The following CWH43 variants were observed in gnomAD, a reference collection of about 807,000 sequenced individuals.
CWH43 encodes the protein cell wall biogenesis 43 C-terminal homolog.
Under a neutral mutation model 85.7 loss-of-function variants are expected in CWH43, and 91 were observed. That is an observed-to-expected ratio of 1.06 (90% CI 0.90 to 1.26). The LOEUF is 1.26. CWH43 is among the 50% of genes most tolerant of loss of function. The pLI is 0.00. For missense variants in CWH43, 869 were observed against 839.2 expected, an observed-to-expected ratio of 1.04 and a Z score of -0.44; for synonymous variants, 323 against 293.6, an observed-to-expected ratio of 1.10 and a Z score of -1.02.
At chr4:49,005,585 G>C (rs1251288177) in intron 7 of CWH43, among the ~76,000 whole-genome samples, 2 of 149,234 alleles carry the variant, frequency 1.3e-5, no homozygotes, top group Non-Finnish European at 3.0e-5. Context: ...TTTGAGACAG[G>C]GTCTTGTTCT....
Position 49,003,781 on chromosome 4 carries a change from T to G in CWH43, c.849T>G (p.Ala283=). 1 of 1,614,000 alleles carries G rather than the reference T, an allele frequency of 6.2e-7. No individual in the cohort carries two copies. The highest frequency in any genetic ancestry group is 8.5e-7 in the Non-Finnish European group (1 of 1,179,896). The part of the protein sequence containing the change: ...AGLLYLHTWA[A]AVSGCVFAIF... The stretch of plus-strand genomic sequence containing the variant: ...TCCTTTACCTGCACACATGGGCAGC[T>G]GCTGTGTCTGGCTGTGTCTTCGCCA... The change falls in exon 7 of 16, where the codon GCT becomes GCG. Residue 283 remains alanine (A), a synonymous_variant. Transcript: ENST00000226432.
Position 49,007,218 on chromosome 4 carries a change from A to T in CWH43, c.1078A>T (p.Ile360Phe). ...TATAACAGGGACAATGATGTTAATT[A>T]TCGGGCTGAATATGCTATTTGGTCC... is the stretch of plus-strand genomic sequence containing the variant. ...DVLLGTMMLI[I>F]GLNMLFGPKK... Residue 360 changes from isoleucine to phenylalanine, a missense_variant, in exon 8 of 16, where the codon ATC (isoleucine) becomes TTC (phenylalanine). Ile to Phe is a conservative substitution (Grantham distance 21, BLOSUM62 0). Around this residue, in one of 3 missense-constraint regions of CWH43, gnomAD observed 577 missense variants for 513.1 expected, o/e 1.12. Coordinates refer to ENST00000226432, the MANE Select transcript of CWH43 (RefSeq NM_025087.3). The T allele has an allele frequency of 1.2e-6, 2 of 1,610,626 alleles. No individual in the cohort carries two copies. Among genetic ancestry groups the T allele is most frequent in the South Asian group, 2.2e-5 (2 of 90,046 alleles).
At chr4:49,057,048 T>C (rs1784987393) in intron 15 of CWH43, among the ~76,000 whole-genome samples, 1 of 152,218 alleles carries the variant, frequency 6.6e-6, no homozygotes. Context: ...TGTTAAGGCT[T>C]GTTTTGTGGC....
chr4:49,014,217 C>G (rs1291701716), intron 8 of CWH43, among the ~76,000 whole-genome samples: 2 of 152,078 alleles, frequency 1.3e-5, no homozygotes, highest in African/African-American at 2.4e-5. Flanking sequence ...CTTTGAAAGG[C>G]CAAGGCAGGA....
At chr4:49,035,553 T>C (rs1784238873) in intron 12 of CWH43, among the ~76,000 whole-genome samples, 1 of 152,226 alleles carries the variant, frequency 6.6e-6, no homozygotes, top group Admixed American at 6.5e-5. Flanking sequence ...GCGGTTAACC[T>C]TGGTAAGTTC....
chr4:49,057,272 T>C (rs1784997792), intron 15 of CWH43, among the ~76,000 whole-genome samples: 1 of 152,170 alleles, frequency 6.6e-6, no homozygotes, highest in Non-Finnish European at 1.5e-5. Flanking sequence ...TCAATCAACA[T>C]ACATAAGATG....
At chr4:49,059,096 A>G (rs1263768060) in intron 15 of CWH43, among the ~76,000 whole-genome samples, 5 of 152,090 alleles carry the variant, frequency 3.3e-5, no homozygotes, top group African/African-American at 7.2e-5. Flanking sequence ...TGAAACACCA[A>G]TAAGGTTTAC....
At chr4:49,055,002 TTTAC>T (rs1560517642) in intron 15 of CWH43, among the ~76,000 whole-genome samples, 1 of 152,140 alleles carries the variant, frequency 6.6e-6, no homozygotes, top group Non-Finnish European at 1.5e-5. Context: ...TTTTATTCCT[TTTAC>T]TTGCTTAATT....
At chr4:49,032,356 G>A (rs1397855946) in intron 11 of CWH43, among the ~76,000 whole-genome samples, 1 of 152,108 alleles carries the variant, frequency 6.6e-6, no homozygotes, top group Non-Finnish European at 1.5e-5. Context: ...AGAGTTGATG[G>A]TGTTTCCTTA....
rs73246060 is a variant in CWH43 at position 48,987,591 on chromosome 4, C to T, written c.44-886C>T. Among the ~76,000 whole-genome samples the T allele has an allele frequency of 2.9e-3, 446 of 152,086 alleles. 3 individuals are homozygous for T. Among genetic ancestry groups the T allele is most frequent in the Admixed American group, 7.1e-3 (108 of 15,274 alleles). ...AGTTTTTGCATTTATAAGAGGGGAG[C>T]GGAAATAGTACCCACCTCATAGCTT... On this transcript the variant is annotated intron_variant, in intron 1 of 15. Coordinates refer to ENST00000226432, the MANE Select transcript of CWH43 (RefSeq NM_025087.3).
intron 14 of CWH43, 141 bp downstream of exon 14, chr4:49,044,988 A>ACTATACAG: frequency 1.6e-6 from 1 of 638,312 alleles, no homozygotes; most frequent in Non-Finnish European, 2.7e-6. Context: ...ATAAACATTG[A>ACTATACAG]TTTGACTATA....
intron 8 of CWH43, among the ~76,000 whole-genome samples, chr4:49,013,709 A>G (rs1188435833): frequency 1.3e-5 from 2 of 152,080 alleles, no homozygotes; most frequent in Non-Finnish European, 2.9e-5. Flanking sequence ...GTTTTATTTC[A>G]CTTCTAACAT....
intron 5 of CWH43, among the ~76,000 whole-genome samples, chr4:48,998,141 T>C (rs1219131521): frequency 6.6e-6 from 1 of 152,222 alleles, no homozygotes; most frequent in Non-Finnish European, 1.5e-5. Context: ...CCAATGACCT[T>C]TGCTTTTTGT....
intron 3 of CWH43, 61 bp downstream of exon 3, chr4:48,991,635 C>T (rs1389332873): frequency 1.9e-6 from 3 of 1,577,536 alleles, no homozygotes; most frequent in African/African-American, 2.7e-5. Context: ...CAAAGGGAAA[C>T]CTGGGGCCAG....
At chr4:49,012,206 A>G (rs570122553) in intron 8 of CWH43, among the ~76,000 whole-genome samples, 9 of 152,112 alleles carry the variant, frequency 5.9e-5, no homozygotes, top group African/African-American at 1.7e-4. Context: ...TTGTCTTCTG[A>G]CTTTATTTCA....
At chr4:48,998,351 A>G (rs1380348376) in intron 5 of CWH43, 109 bp from the exon 6 acceptor site, 3 of 797,060 alleles carry the variant, frequency 3.8e-6, no homozygotes, top group Non-Finnish European at 6.3e-6. Flanking sequence ...TGTTTCACAC[A>G]CGTTATCTCT....
chr4:48,995,100 G>A (rs1450871722), intron 5 of CWH43, among the ~76,000 whole-genome samples: 1 of 152,212 alleles, frequency 6.6e-6, no homozygotes, highest in East Asian at 1.9e-4. Context: ...GGCATCTCGA[G>A]GAATGCCTGC....
chr4:48,999,855 T>A (rs1487002618), intron 6 of CWH43, among the ~76,000 whole-genome samples: 1 of 152,170 alleles, frequency 6.6e-6, no homozygotes, highest in African/African-American at 2.4e-5. Flanking sequence ...CTGACCCATC[T>A]CTTCCCAGTT....
intron 10 of CWH43, among the ~76,000 whole-genome samples, chr4:49,029,427 T>A (rs1052783402): frequency 1.3e-5 from 2 of 152,182 alleles, no homozygotes; most frequent in African/African-American, 4.8e-5. Context: ...CCAAGAAAGC[T>A]TGGGTATTGT....
Sources: gnomAD v4.1 joint callset for allele counts (sites outside exome capture counted in the v4.1 genomes callset) on GRCh38, gnomAD v4.1.1 for gene constraint, gnomAD v4.1.1 regional missense constraint, MANE v1.5 for transcripts, NCBI Gene and HGNC (gene_info 2026-07-23, HGNC 2026-07-21) for gene names.